TBC1D2B: variants seen among roughly 807,000 people sequenced by gnomAD.
The protein encoded by TBC1D2B is TBC1 domain family member 2B.
Under a neutral mutation model 100.8 loss-of-function variants are expected in TBC1D2B, and 64 were observed. The observed-to-expected ratio is 0.64, with a 90% CI of 0.52 to 0.78. The LOEUF (loss-of-function observed/expected upper bound fraction) is 0.78, where lower values mean the gene tolerates loss of function less well. Ranked by LOEUF, TBC1D2B falls within the 30% of genes least tolerant of loss-of-function variation. TBC1D2B has a pLI of 0.00. For synonymous variants in TBC1D2B, 480 were observed against 479.7 expected (o/e 1.00, Z -0.01); for missense variants, 1,052 against 1,218.4 (o/e 0.86, Z 2.03).
At chr15:78,023,381 A>AC (rs773303550) in intron 6 of TBC1D2B, among the ~76,000 whole-genome samples, 11 of 152,128 alleles carry the variant, frequency 7.2e-5, no homozygotes, top group Non-Finnish European at 1.2e-4. Context: ...AGTCTCAAGA[A>AC]CCGGTGGCAG....
At chr15:78,004,356 G>A (rs994816389) in intron 10 of TBC1D2B, among the ~76,000 whole-genome samples, 6 of 152,168 alleles carry the variant, frequency 3.9e-5, no homozygotes, top group African/African-American at 1.4e-4. Flanking sequence ...ACAGGTCCCC[G>A]CCAAGCACTG....
chr15:78,002,691 C>T (rs2071947619), intron 11 of TBC1D2B: 2 of 152,694 alleles, frequency 1.3e-5, no homozygotes, highest in East Asian at 1.9e-4. Context: ...GATCCTCCTA[C>T]CTCAGCCTCC....
chr15:78,003,445 G>A lies in TBC1D2B; in HGVS notation c.2434C>T (p.Arg812Trp). 12 of 1,613,572 alleles carry A rather than the reference G, an allele frequency of 7.4e-6. No individual in the cohort carries two copies. The highest frequency in any genetic ancestry group is 9.3e-6 in the Non-Finnish European group (11 of 1,179,598). Reference sequence around the variant, plus strand: ...TACTGTTCAAAGTGGCCATGCAACCGAGGCAGCTTCTCACTCATAAGGTCT... The same window carrying A: ...TACTGTTCAAAGTGGCCATGCAACCAAGGCAGCTTCTCACTCATAAGGTCT... The part of the protein sequence containing the change: ...FRDLMSEKLP[R>W]LHGHFEQYKV... The change falls in exon 11 of 13, where the codon CGG becomes TGG. Residue 812 changes from arginine to tryptophan, a missense_variant. Physicochemically the swap from Arg to Trp is moderately radical, Grantham distance 101. Around this residue, in one of 4 missense-constraint regions of TBC1D2B, gnomAD observed 373 missense variants for 464.9 expected, o/e 0.80. Coordinates refer to ENST00000300584, the MANE Select transcript of TBC1D2B (RefSeq NM_144572.2).
Position 78,077,432 on chromosome 15 carries a change from T to C in TBC1D2B, c.221A>G (p.Gln74Arg), listed in dbSNP as rs999423467. 21 of 1,544,950 alleles carry C rather than the reference T, an allele frequency of 1.4e-5. No individual in the cohort carries two copies. In the Admixed American group the frequency reaches 3.9e-4, roughly 29 times the overall value. Reference protein sequence around the residue: ...RCYLYYFKSPQDALPLGHLDI... With the variant: ...RCYLYYFKSPRDALPLGHLDI... ...CAAGTGGCCGAGGGGCAGCGCGTCC[T>C]GCGGACTCTTGAAATAGTAAAGGTA... The change falls in exon 1 of 13, where the codon CAG becomes CGG. Residue 74 changes from glutamine (Q) to arginine (R), a missense_variant. Around this residue, in one of 4 missense-constraint regions of TBC1D2B, gnomAD observed 627 missense variants for 646.1 expected, o/e 0.97. Coordinates refer to ENST00000300584, the MANE Select transcript of TBC1D2B (RefSeq NM_144572.2).
rs1323699536 is a variant in TBC1D2B, at chr15:78,030,028, GCTT to G, written c.823_825del (p.Lys275del). ...ATACCTTTGTTTCCTTCAGGGGTCA[GCTT>G]CTTCTTTTCTTCCTGTACTATGGAC... is the stretch of plus-strand genomic sequence containing the variant. On this transcript the variant is annotated inframe_deletion, in exon 4 of 13. Coordinates refer to ENST00000300584, the MANE Select transcript of TBC1D2B (RefSeq NM_144572.2). The G allele has an allele frequency of 3.1e-6, 5 of 1,608,426 alleles. No homozygotes were observed. In the Middle Eastern group the frequency reaches 5.0e-4, roughly 160 times the overall value.
chr15:78,032,800 T>C (rs777355229), intron 3 of TBC1D2B, among the ~76,000 whole-genome samples: 1 of 151,484 alleles, frequency 6.6e-6, no homozygotes, highest in Non-Finnish European at 1.5e-5. Context: ...GACCCTGCAA[T>C]AGAAACAACC....
In TBC1D2B at chr15:78,029,964, T is replaced by C. The variant is rs777751408; in HGVS notation, c.847+43A>G. Reference sequence around the variant, plus strand: ...CTCCACATCACTGGTGGTTAACAGATGGCAGTACAGAGAATGACAGACAAC... The same window carrying C: ...CTCCACATCACTGGTGGTTAACAGACGGCAGTACAGAGAATGACAGACAAC... On this transcript the variant is annotated intron_variant, in intron 4 of 12. Transcript: ENST00000300584. 58 of 1,534,596 alleles carry C rather than the reference T, an allele frequency of 3.8e-5. No homozygotes were observed. The Admixed American group carries it at 1.0e-3, about 27-fold the overall frequency.
intron 1 of TBC1D2B, among the ~76,000 whole-genome samples, chr15:78,073,845 C>G (rs1445291709): frequency 6.6e-6 from 1 of 151,610 alleles, no homozygotes; most frequent in Non-Finnish European, 1.5e-5. Flanking sequence ...TGGCACGCGC[C>G]TATAGTCCCT....
chr15:77,997,941 G>A lies in TBC1D2B; in HGVS notation c.*219C>T, dbSNP rs1296080244. 3 of 401,902 alleles carry A rather than the reference G, an allele frequency of 7.5e-6. No homozygotes were observed. The highest frequency in any genetic ancestry group is 4.5e-5 in the Admixed American group (1 of 22,244). The allele number at this position is 401,902 out of a possible 1,614,324, so 24.9% of individuals were successfully genotyped here. On this transcript the variant is annotated 3_prime_UTR_variant, in exon 13 of 13. Coordinates refer to ENST00000300584, the MANE Select transcript of TBC1D2B (RefSeq NM_144572.2). Reference sequence around the variant, plus strand: ...CAGGCAGAAAGCGTGACTGAGATACGTGTAACCAAAAGCATGGCACGGAAA... The same window carrying A: ...CAGGCAGAAAGCGTGACTGAGATACATGTAACCAAAAGCATGGCACGGAAA...
At chr15:78,059,154 G>C (rs2073489393) in intron 1 of TBC1D2B, among the ~76,000 whole-genome samples, 1 of 152,232 alleles carries the variant, frequency 6.6e-6, no homozygotes. Context: ...TCTCTGAATA[G>C]GGAGCTCAGA....
Position 78,044,955 on chromosome 15 carries a change from C to T in TBC1D2B, c.628G>A (p.Gly210Arg), listed in dbSNP as rs747411388. ...GEQAANQPAPGHPNSINFYSL... is the reference protein window; with the variant it reads ...GEQAANQPAPRHPNSINFYSL... ...TAAAAATTAATGGAATTTGGATGCC[C>T]TGGGGCGGGCTGATTTGCAGCTTGT... Residue 210 changes from glycine (G) to arginine (R), a missense_variant, in exon 3 of 13, where the codon GGG becomes AGG. Transcript: ENST00000300584. 7.3e-5 allele frequency: 118 copies of T among 1,613,590 alleles called. No homozygotes were observed. Among genetic ancestry groups the T allele is most frequent in the Non-Finnish European group, 9.5e-5 (112 of 1,179,716 alleles).
intron 4 of TBC1D2B, among the ~76,000 whole-genome samples, chr15:78,028,361 G>C (rs1252039974): frequency 6.6e-6 from 1 of 152,196 alleles, no homozygotes; most frequent in Non-Finnish European, 1.5e-5. Context: ...TGTAATACCA[G>C]TTACTCAGGA....
chr15:78,040,696 GGGGAGGGA>G (rs1421638094), intron 3 of TBC1D2B, among the ~76,000 whole-genome samples: 1 of 138,008 alleles, frequency 7.2e-6, no homozygotes, highest in Non-Finnish European at 1.6e-5. Context: ...AAAGAAAGGG[GGGGAGGGA>G]GGGAGGAAGG....
chr15:78,040,048 C>A (rs1337034214), intron 3 of TBC1D2B, among the ~76,000 whole-genome samples: 1 of 152,208 alleles, frequency 6.6e-6, no homozygotes, highest in African/African-American at 2.4e-5. Context: ...GCTGCTGCAG[C>A]CTAAGCACAC....
chr15:78,009,791 G>A (rs942100275), intron 9 of TBC1D2B, among the ~76,000 whole-genome samples: 3 of 152,028 alleles, frequency 2.0e-5, no homozygotes, highest in African/African-American at 2.4e-5. Context: ...TGGCTGACAC[G>A]GTGAAACCCT....
At chr15:78,036,249 A>G (rs1440851011) in intron 3 of TBC1D2B, among the ~76,000 whole-genome samples, 3 of 152,182 alleles carry the variant, frequency 2.0e-5, no homozygotes, top group Admixed American at 6.5e-5. Context: ...TTTTCTTTTT[A>G]TACGCATGCA....
chr15:78,013,846 G>A (rs879749004), intron 8 of TBC1D2B, among the ~76,000 whole-genome samples: 4 of 152,176 alleles, frequency 2.6e-5, no homozygotes, highest in Non-Finnish European at 5.9e-5. Flanking sequence ...TTAATGGAAC[G>A]TTAATGCAGT....
chr15:78,031,574 A>AAAAAAAAAAAG (rs1452770906), intron 3 of TBC1D2B, among the ~76,000 whole-genome samples: 7 of 147,594 alleles, frequency 4.7e-5, no homozygotes, highest in African/African-American at 7.7e-5. Flanking sequence ...AAAAAAAAAA[A>AAAAAAAAAAAG]AGAGAGAGAG....
chr15:78,076,303 AC>A (rs1163210982), intron 1 of TBC1D2B, among the ~76,000 whole-genome samples: 16 of 151,674 alleles, frequency 1.1e-4, no homozygotes, highest in Admixed American at 9.8e-4. Flanking sequence ...GGCTGAAAAG[AC>A]CCCCTCCCAC....
Sources: gnomAD v4.1 joint callset for allele counts (sites outside exome capture counted in the v4.1 genomes callset) on GRCh38, gnomAD v4.1.1 for gene constraint, gnomAD v4.1.1 regional missense constraint, MANE v1.5 for transcripts, NCBI Gene and HGNC (gene_info 2026-07-23, HGNC 2026-07-21) for gene names.